Variants in LRRTM4 observed in about 807,000 individuals in gnomAD.
LRRTM4 encodes leucine-rich repeat transmembrane neuronal protein 4.
In LRRTM4, 25 loss-of-function variants were observed where a neutral mutation model predicts 47.6. That is an observed-to-expected ratio of 0.53 (90% confidence interval 0.38 to 0.73). The LOEUF (loss-of-function observed/expected upper bound fraction) is 0.73. LRRTM4 is among the 30% of genes least tolerant of loss of function. The probability of loss-of-function intolerance (pLI) is 0.00; values close to 1 mark genes in which losing one functional copy is unlikely to be tolerated. For synonymous variants in LRRTM4, 311 were observed against 269.5 expected (o/e 1.15, Z -1.51); for missense variants, 638 against 713.4 (o/e 0.89, Z 1.20).
chr2:76,903,947 A>G (rs1673731451), intron 3 of LRRTM4, among the ~76,000 whole-genome samples: 1 of 152,232 alleles, frequency 6.6e-6, no homozygotes, highest in Non-Finnish European at 1.5e-5. Flanking sequence ...AAACACTTCA[A>G]ATGAATGAGC....
intron 3 of LRRTM4, among the ~76,000 whole-genome samples, chr2:77,503,152 G>A (rs536374990): frequency 2.6e-5 from 4 of 151,212 alleles, no homozygotes; most frequent in African/African-American, 7.3e-5. Flanking sequence ...CTTTTGTTTT[G>A]GAAGCTGCAC....
chr2:77,288,228 A>C (rs1483208543), intron 3 of LRRTM4, among the ~76,000 whole-genome samples: 2 of 151,782 alleles, frequency 1.3e-5, no homozygotes, highest in African/African-American at 2.4e-5. Flanking sequence ...ATTAGATAAA[A>C]TAATATATTT....
chr2:76,812,102 C>CAA (rs1670751563), intron 3 of LRRTM4, among the ~76,000 whole-genome samples: 2 of 152,076 alleles, frequency 1.3e-5, no homozygotes, highest in African/African-American at 4.8e-5. Flanking sequence ...ATTTGAACTT[C>CAA]ATAAAGCACT....
At chr2:77,029,070 T>A (rs1004344924) in intron 3 of LRRTM4, among the ~76,000 whole-genome samples, 14 of 138,508 alleles carry the variant, frequency 1.0e-4, no homozygotes, top group Admixed American at 3.8e-4. Context: ...TATATATATA[T>A]AATATATATA....
chr2:77,128,537 G>T (rs555667917), intron 3 of LRRTM4, among the ~76,000 whole-genome samples: 1 of 152,072 alleles, frequency 6.6e-6, no homozygotes, highest in Non-Finnish European at 1.5e-5. Flanking sequence ...TATTCACAAC[G>T]GTAAGTCCCA....
chr2:76,961,832 CTA>C (rs1483706911), intron 3 of LRRTM4, among the ~76,000 whole-genome samples: 2 of 151,260 alleles, frequency 1.3e-5, no homozygotes, highest in East Asian at 3.9e-4. Flanking sequence ...ATAATATACT[CTA>C]AAATTTTGCT....
chr2:76,867,009 A>G (rs898564288), intron 3 of LRRTM4, among the ~76,000 whole-genome samples: 3 of 151,890 alleles, frequency 2.0e-5, no homozygotes, highest in Non-Finnish European at 4.4e-5. Context: ...TGTAAATGAG[A>G]GTTGAACAAT....
At chr2:76,981,993 G>C (rs915217430) in intron 3 of LRRTM4, among the ~76,000 whole-genome samples, 6 of 152,026 alleles carry the variant, frequency 3.9e-5, no homozygotes, top group African/African-American at 1.4e-4. Context: ...CTTGCCCTTT[G>C]ATGCAAGGGG....
At chr2:77,186,569 AAAAAT>A (rs1417619900) in intron 3 of LRRTM4, among the ~76,000 whole-genome samples, 1 of 152,214 alleles carries the variant, frequency 6.6e-6, no homozygotes, top group Non-Finnish European at 1.5e-5. Flanking sequence ...TCAAAAAATA[AAAAAT>A]AAAATAATGA....
chr2:77,438,051 T>C (rs139756679), intron 3 of LRRTM4, among the ~76,000 whole-genome samples: 1 of 152,180 alleles, frequency 6.6e-6, no homozygotes, highest in Non-Finnish European at 1.5e-5. Context: ...TTAAGGATGC[T>C]ATGTTACAGA....
chr2:76,752,761 A>G (rs138259248), intron 3 of LRRTM4, among the ~76,000 whole-genome samples: 35 of 152,266 alleles, frequency 2.3e-4, no homozygotes, highest in African/African-American at 7.5e-4. Context: ...TGTGTGTGTC[A>G]TTGTTTCCTT....
chr2:76,928,494 A>G (rs1444013992), intron 3 of LRRTM4, among the ~76,000 whole-genome samples: 1 of 152,098 alleles, frequency 6.6e-6, no homozygotes, highest in African/African-American at 2.4e-5. Flanking sequence ...ATTTTTGATG[A>G]TATAGAACAA....
rs552206119 is a variant in LRRTM4 at position 77,071,087 on chromosome 2, C to T, written c.1552-322171G>A. On this transcript the variant is annotated intron_variant, in intron 3 of 3. Transcript: ENST00000409884. ...TCACACATCCTTTGGGAATAGTACA[C>T]GTAGGTAAACACAAGAGGATAAAGA... Among the ~76,000 whole-genome samples, 15 of 152,078 alleles carry T rather than the reference C, an allele frequency of 9.9e-5. No homozygotes were observed. In the South Asian group the frequency reaches 1.9e-3, roughly 19 times the overall value.
At position 76,814,369 on chromosome 2, in the gene LRRTM4, A is replaced by G. The variant is rs545734039; in HGVS notation, c.1552-65453T>C. On this transcript the variant is annotated intron_variant, in intron 3 of 3. Coordinates refer to ENST00000409884, the MANE Select transcript of LRRTM4 (RefSeq NM_001134745.3). ...AAAGAATTGTAGTAAGCTAAGGTTAATTTATTATTGAAGAAAAAAGCTATT... is the reference window on the plus strand; with the variant it reads ...AAAGAATTGTAGTAAGCTAAGGTTAGTTTATTATTGAAGAAAAAAGCTATT... 4.0e-4 allele frequency among the ~76,000 whole-genome samples: 60 copies of G among 151,228 alleles called. No individual in the cohort carries two copies. The East Asian group carries it at 7.7e-3, about 19-fold the overall frequency.
intron 3 of LRRTM4, among the ~76,000 whole-genome samples, chr2:76,777,686 A>ACAAT (rs2104140667): frequency 6.6e-6 from 1 of 151,004 alleles, no homozygotes; most frequent in African/African-American, 2.4e-5. Context: ...TTCTAGATAT[A>ACAAT]CAATCATGTC....
intron 3 of LRRTM4, among the ~76,000 whole-genome samples, chr2:76,773,568 A>C (rs892909087): frequency 6.6e-6 from 1 of 152,106 alleles, no homozygotes; most frequent in Non-Finnish European, 1.5e-5. Flanking sequence ...AATTTAAAGA[A>C]AAATGTTAAT....
chr2:77,213,512 G>C (rs1453093622), intron 3 of LRRTM4, among the ~76,000 whole-genome samples: 2 of 152,006 alleles, frequency 1.3e-5, no homozygotes, highest in African/African-American at 4.8e-5. Context: ...ATTACATAGA[G>C]AAGTACCTGG....
At chr2:77,159,877 T>C (rs1056120149) in intron 3 of LRRTM4, among the ~76,000 whole-genome samples, 1 of 152,200 alleles carries the variant, frequency 6.6e-6, no homozygotes, top group Admixed American at 6.6e-5. Context: ...GCTTATATCA[T>C]GCAAGACAGA....
intron 3 of LRRTM4, among the ~76,000 whole-genome samples, chr2:77,122,019 T>C (rs951882579): frequency 4.0e-5 from 6 of 151,854 alleles, no homozygotes; most frequent in African/African-American, 1.4e-4. Context: ...TTAGAAGACA[T>C]AGACATGAAC....
Sources: gnomAD v4.1 joint callset for allele counts (sites outside exome capture counted in the v4.1 genomes callset) on GRCh38, gnomAD v4.1.1 for gene constraint, MANE v1.5 for transcripts, NCBI Gene and HGNC (gene_info 2026-07-23, HGNC 2026-07-21) for gene names.